The following AKR1C3 variants were observed in gnomAD, a reference collection of about 807,000 sequenced individuals.
AKR1C3 encodes aldo-keto reductase family 1 member C3.
Under a neutral mutation model 43.6 loss-of-function variants are expected in AKR1C3, and 48 were observed. The ratio of observed to expected loss-of-function variants is 1.10; its 90% CI spans 0.87 to 1.40. AKR1C3 has a LOEUF of 1.40. Ranked by LOEUF, AKR1C3 falls within the 40% of genes most tolerant of loss-of-function variation. The pLI is 0.00. For missense variants in AKR1C3, 482 were observed against 391.2 expected (o/e 1.23, Z -1.96); for synonymous variants, 162 against 139.6 (o/e 1.16, Z -1.13).
At chr10:5,061,748 C>T (rs1838388149) in intron 1 of AKR1C3, among the ~76,000 whole-genome samples, 1 of 152,186 alleles carries the variant, frequency 6.6e-6, no homozygotes, top group African/African-American at 2.4e-5. Flanking sequence ...ATTCCCCTAA[C>T]TACCAACCCA....
rs1157590477 is a variant in AKR1C3 at position 5,107,644 on chromosome 10, C to T, written c.*141C>T. The T allele has an allele frequency of 4.9e-6, 3 of 614,786 alleles. No homozygotes were observed. The highest frequency in any genetic ancestry group is 8.6e-6 in the Non-Finnish European group (3 of 347,096). The allele number at this position is 614,786 out of a possible 1,614,324, so 38.1% of individuals were successfully genotyped here. A position where few individuals can be genotyped will look rare whatever the true frequency, so the allele number is the denominator to read the frequency against. The stretch of plus-strand genomic sequence containing the variant: ...CGACTTCAGTCAACTACAGCTGAGT[C>T]CATAGGCCAGAAAGACAATAAATTT... On this transcript the variant is annotated 3_prime_UTR_variant, in exon 9 of 9. Transcript: ENST00000380554.
At chr10:5,063,830 A>G (rs1318947279) in intron 1 of AKR1C3, among the ~76,000 whole-genome samples, 1 of 147,276 alleles carries the variant, frequency 6.8e-6, no homozygotes, top group Non-Finnish European at 1.5e-5. Flanking sequence ...CAAAAATGAC[A>G]GTCATGTGTC....
rs782032519 is a variant in AKR1C3 at position 5,058,565 on chromosome 10, C to T, written c.84+9670C>T. On this transcript the variant is annotated intron_variant, in intron 1 of 8. Transcript: ENST00000439082. ...TGGTTTTGGTTTGTTTTGTTTCTCCCCCTGCCCAAGAACCCACAACAGTCC... is the reference window on the plus strand; with the variant it reads ...TGGTTTTGGTTTGTTTTGTTTCTCCTCCTGCCCAAGAACCCACAACAGTCC... 5.3e-5 allele frequency among the ~76,000 whole-genome samples: 8 copies of T among 152,104 alleles called. No homozygotes were observed. In the East Asian group the frequency reaches 5.8e-4, roughly 11 times the overall value.
chr10:5,050,024 G>A (rs782483532), intron 1 of AKR1C3, among the ~76,000 whole-genome samples: 2 of 114,548 alleles, frequency 1.7e-5, no homozygotes, highest in Non-Finnish European at 3.5e-5. Flanking sequence ...CCATGTGGCC[G>A]CATTAGATGT....
chr10:5,101,963 GTTA>G (rs1839362106), intron 5 of AKR1C3, 135 bp from the exon 6 acceptor site: 2 of 586,760 alleles, frequency 3.4e-6, no homozygotes, highest in Non-Finnish European at 6.0e-6. Context: ...TATGAAAAAG[GTTA>G]TTACTTGACA....
chr10:5,081,871 CAGA>C (rs782714877), intron 1 of AKR1C3: 1 of 152,136 alleles, frequency 6.6e-6, no homozygotes, highest in African/African-American at 2.4e-5. Flanking sequence ...GGGAAGAGGA[CAGA>C]AGAAGAAACC....
chr10:5,091,568 C>T (rs1254952871), upstream of AKR1C3, among the ~76,000 whole-genome samples: 1 of 152,036 alleles, frequency 6.6e-6, no homozygotes, highest in Non-Finnish European at 1.5e-5. Flanking sequence ...ATTCCTTTCT[C>T]AATTGCTCTT....
At chr10:5,077,287 A>C (rs1007171159) in intron 1 of AKR1C3, among the ~76,000 whole-genome samples, 1 of 152,152 alleles carries the variant, frequency 6.6e-6, no homozygotes, top group Non-Finnish European at 1.5e-5. Context: ...GTCTGTATGG[A>C]TACCTGAAAA....
chr10:5,101,444 GAACA>G (rs1458971474), intron 5 of AKR1C3, among the ~76,000 whole-genome samples: 1 of 144,812 alleles, frequency 6.9e-6, no homozygotes, highest in Non-Finnish European at 1.5e-5. Context: ...TCAAAATGAA[GAACA>G]AATATTCCTC....
intron 1 of AKR1C3, among the ~76,000 whole-genome samples, chr10:5,070,038 G>GA (rs1214941758): frequency 2.6e-5 from 4 of 152,146 alleles, no homozygotes; most frequent in African/African-American, 9.7e-5. Flanking sequence ...TGAAAGAAAG[G>GA]AAAAAAAGAG....
chr10:5,085,614 C>G (rs1838947567), intron 1 of AKR1C3, among the ~76,000 whole-genome samples: 2 of 151,894 alleles, frequency 1.3e-5, no homozygotes, highest in African/African-American at 2.4e-5. Flanking sequence ...AGGATTCCCT[C>G]TTTTTCTATT....
At chr10:5,093,046 G>A (rs1554784548), upstream of AKR1C3, among the ~76,000 whole-genome samples, 3 of 151,982 alleles carry the variant, frequency 2.0e-5, no homozygotes, top group Non-Finnish European at 4.4e-5. Flanking sequence ...TGCCTGGACT[G>A]TGTGTGCCCA....
intron 7 of AKR1C3, among the ~76,000 whole-genome samples, chr10:5,105,113 T>TGTTAGTAATTAGACAATTC (rs1424573157): frequency 6.6e-6 from 1 of 152,242 alleles, no homozygotes; most frequent in African/African-American, 2.4e-5. Context: ...GACATGAAAT[T>TGTTAGTAATTAGACAATTC]GTTAGTAATT....
intron 1 of AKR1C3, among the ~76,000 whole-genome samples, chr10:5,063,195 T>G (rs1262522591): frequency 6.6e-6 from 1 of 152,206 alleles, no homozygotes; most frequent in African/African-American, 2.4e-5. Flanking sequence ...AATTCTAAGT[T>G]AATATGTACA....
At chr10:5,094,978 C>T in intron 1 of AKR1C3, among the ~76,000 whole-genome samples, 2 of 152,210 alleles carry the variant, frequency 1.3e-5, no homozygotes, top group East Asian at 3.9e-4. Flanking sequence ...TATCACTGTT[C>T]TGATGGGCGG....
chr10:5,105,121 A>G (rs969375199), intron 7 of AKR1C3, among the ~76,000 whole-genome samples: 4 of 152,200 alleles, frequency 2.6e-5, no homozygotes, highest in African/African-American at 9.6e-5. Context: ...ATTGTTAGTA[A>G]TTAGACAATT....
At chr10:5,069,122 A>T (rs1554781084) in intron 1 of AKR1C3, among the ~76,000 whole-genome samples, 1 of 152,172 alleles carries the variant, frequency 6.6e-6, no homozygotes, top group African/African-American at 2.4e-5. Flanking sequence ...TTAAAACTTT[A>T]CAGAAGGGAC....
At position 5,097,435 on chromosome 10, in the gene AKR1C3, TTTGGTCCACTTTTCATCGACCAGAG is replaced by T. The variant is rs782651824; in HGVS notation, c.262_286del (p.Thr88AspfsTer8). On this transcript the variant is annotated frameshift_variant and splice_region_variant, in exon 3 of 9. Transcript: ENST00000380554. LOFTEE classifies it high-confidence loss of function. ...ACCTCCATTCTTTAACCTCTGCAGCTTTGGTCCACTTTTCATCGACCAGAGTTGGTCCGACCAGCCTTGGAAAACT... is the reference window on the plus strand; with the variant it reads ...ACCTCCATTCTTTAACCTCTGCAGCTTTGGTCCGACCAGCCTTGGAAAACT... 5.6e-6 allele frequency: 9 copies of T among 1,613,502 alleles called. 2 individuals are homozygous for T. The South Asian group carries it at 9.9e-5, about 18-fold the overall frequency.
At chr10:5,090,717 C>G (rs191129650), upstream of AKR1C3, among the ~76,000 whole-genome samples, 1 of 152,176 alleles carries the variant, frequency 6.6e-6, no homozygotes, top group East Asian at 1.9e-4. Flanking sequence ...CACATGCCAG[C>G]ATTGTTATAC....
Sources: gnomAD v4.1 joint callset for allele counts (sites outside exome capture counted in the v4.1 genomes callset) on GRCh38, gnomAD v4.1.1 for gene constraint, MANE v1.5 for transcripts, NCBI Gene and HGNC (gene_info 2026-07-23, HGNC 2026-07-21) for gene names.